The following KIAA0319L variants were observed in gnomAD, a reference collection of about 807,000 sequenced individuals.
KIAA0319L encodes KIAA0319 like.
Under a neutral mutation model 120.1 loss-of-function variants are expected in KIAA0319L, and 55 were observed. The observed-to-expected ratio is 0.46, with a 90% CI of 0.37 to 0.57. The LOEUF is 0.57. KIAA0319L is among the 20% of genes least tolerant of loss of function. The pLI is 0.00. For synonymous variants in KIAA0319L, 398 were observed against 471.9 expected, an observed-to-expected ratio of 0.84 and a Z score of 2.03; for missense variants, 1,049 against 1,255.3, an observed-to-expected ratio of 0.84 and a Z score of 2.48.
chr1:35,449,834 A>G lies in KIAA0319L; in HGVS notation c.2353+33T>C, dbSNP rs765377174. On this transcript the variant is annotated intron_variant, in intron 15 of 20. Transcript: ENST00000325722. ...GAGGCCTTGATTGGCTGATTCAGCA[A>G]TTCTACTCAGCCTCATCACTAAATG... 12 of 1,611,440 alleles carry G rather than the reference A, an allele frequency of 7.4e-6. No individual in the cohort carries two copies. The Admixed American group carries it at 1.0e-4, about 13-fold the overall frequency.
intron 15 of KIAA0319L, among the ~76,000 whole-genome samples, chr1:35,448,811 A>C (rs992287114): frequency 6.6e-6 from 1 of 152,176 alleles, no homozygotes; most frequent in Non-Finnish European, 1.5e-5. Flanking sequence ...ATGGGAATGC[A>C]TCCGTCCCTC....
chr1:35,513,288 A>ATATATATATATTTTT (rs1414704674), intron 2 of KIAA0319L, among the ~76,000 whole-genome samples: 2 of 85,300 alleles, frequency 2.3e-5, no homozygotes, highest in South Asian at 4.3e-4. Flanking sequence ...ATATATATAT[A>ATATATATATATTTTT]TTTTTTTTTT....
At chr1:35,457,331 T>A (rs1228950626) in intron 9 of KIAA0319L, among the ~76,000 whole-genome samples, 2 of 152,078 alleles carry the variant, frequency 1.3e-5, no homozygotes, top group African/African-American at 4.8e-5. Context: ...TGTTTTCCCA[T>A]CATCCTGTTC....
rs1033106617 is a variant in KIAA0319L at position 35,451,865 on chromosome 1, G to C, written c.1914-89C>G. ...GCAGGAGGAGACAATGACTCCCTCA[G>C]CAAAGACACGAACTACTGTTACCCA... On this transcript the variant is annotated intron_variant, in intron 12 of 20. Transcript: ENST00000325722. The C allele has an allele frequency of 2.3e-6, 3 of 1,324,306 alleles. No homozygotes were observed. The African/African-American group carries it at 4.4e-5, about 19-fold the overall frequency. 82.0% of individuals were successfully genotyped at this position (1,324,306 alleles called of 1,614,324 possible).
At position 35,435,290 on chromosome 1, in the gene KIAA0319L, C is replaced by T. The variant is rs932889606; in HGVS notation, c.2963-209G>A. On this transcript the variant is annotated intron_variant, in intron 20 of 20. Coordinates refer to ENST00000325722, the MANE Select transcript of KIAA0319L (RefSeq NM_024874.5). ...GTCCACTAAGGGGTGTCACAGAGTA[C>T]GGATGAGAGCACACCTGGGGTCTCC... 42 of 557,504 alleles carry T rather than the reference C, an allele frequency of 7.5e-5. 1 individual carries two copies. The South Asian group carries it at 7.8e-4, about 10-fold the overall frequency. The allele number at this position is 557,504 out of a possible 1,614,324, so 34.5% of individuals were successfully genotyped here. A position where few individuals can be genotyped will look rare whatever the true frequency, so the allele number is the denominator to read the frequency against.
intron 2 of KIAA0319L, among the ~76,000 whole-genome samples, chr1:35,534,925 T>C (rs1468266828): frequency 6.9e-6 from 1 of 144,734 alleles, no homozygotes; most frequent in Non-Finnish European, 1.5e-5. Context: ...GAGACCAGCC[T>C]GACCAACATG....
chr1:35,553,854 A>ATAT (rs1273639489), intron 2 of KIAA0319L, among the ~76,000 whole-genome samples: 1 of 152,230 alleles, frequency 6.6e-6, no homozygotes, highest in Non-Finnish European at 1.5e-5. Flanking sequence ...CTATCAACAT[A>ATAT]GCCCCTCTCT....
intron 2 of KIAA0319L, among the ~76,000 whole-genome samples, chr1:35,548,599 AT>A (rs1179730652): frequency 6.6e-6 from 1 of 152,158 alleles, no homozygotes; most frequent in Non-Finnish European, 1.5e-5. Context: ...TTAGTATAAA[AT>A]TACGTGTTAT....
At chr1:35,495,199 C>T (rs936645116) in intron 3 of KIAA0319L, among the ~76,000 whole-genome samples, 1 of 151,910 alleles carries the variant, frequency 6.6e-6, no homozygotes, top group Non-Finnish European at 1.5e-5. Context: ...ATGGTGAAAC[C>T]CCATCTCTAC....
At chr1:35,504,564 T>C (rs1645140891) in intron 3 of KIAA0319L, among the ~76,000 whole-genome samples, 1 of 152,232 alleles carries the variant, frequency 6.6e-6, no homozygotes. Flanking sequence ...TAATATGTGT[T>C]AATCGACTGT....
Position 35,474,861 on chromosome 1 carries a change from G to A in KIAA0319L, c.959C>T (p.Thr320Ile). The A allele has an allele frequency of 1.2e-6, 2 of 1,611,102 alleles. No individual in the cohort carries two copies. The highest frequency in any genetic ancestry group is 1.7e-6 in the Non-Finnish European group (2 of 1,177,704). The change falls in exon 5 of 21, where the codon ACC becomes ATC. Residue 320 changes from threonine to isoleucine, a missense_variant. By Grantham distance (89) the Thr-to-Ile change is moderately conservative. Transcript: ENST00000325722. ...TAATTGAACTTCATTCTTAGGCAGG[G>A]TTATCTGGACACTCTCTCCAGCAGA... ...VVSAGESVQI[T>I]LPKNEVQLNA...
intron 3 of KIAA0319L, among the ~76,000 whole-genome samples, chr1:35,489,729 C>A (rs1431221002): frequency 1.3e-5 from 2 of 150,792 alleles, no homozygotes; most frequent in African/African-American, 4.9e-5. Flanking sequence ...TGCAGTGGTG[C>A]AATCTCCACT....
At chr1:35,465,885 T>C (rs1322995830) in intron 7 of KIAA0319L, among the ~76,000 whole-genome samples, 3 of 152,198 alleles carry the variant, frequency 2.0e-5, no homozygotes, top group Admixed American at 1.3e-4. Context: ...ACTCTCTTTT[T>C]GCTTGTTGTC....
intron 2 of KIAA0319L, among the ~76,000 whole-genome samples, chr1:35,519,037 T>A (rs997183901): frequency 6.6e-6 from 1 of 151,748 alleles, no homozygotes; most frequent in Non-Finnish European, 1.5e-5. Flanking sequence ...TTGACTAATG[T>A]CAGAGGATGA....
chr1:35,441,438 T>C (rs1641209026), intron 19 of KIAA0319L, among the ~76,000 whole-genome samples: 1 of 151,882 alleles, frequency 6.6e-6, no homozygotes, highest in East Asian at 1.9e-4. Flanking sequence ...GCTTGAAGGG[T>C]GTGGGAGGAG....
intron 3 of KIAA0319L, among the ~76,000 whole-genome samples, chr1:35,484,766 TCATATATATATATATA>T (rs1644298600): frequency 1.1e-5 from 1 of 92,964 alleles, no homozygotes; most frequent in Admixed American, 1.4e-4. Flanking sequence ...AAGTTTTTAA[TCATATATATATATATA>T]TATATATATA....
intron 2 of KIAA0319L, among the ~76,000 whole-genome samples, chr1:35,525,598 T>C (rs1558591839): frequency 6.6e-6 from 1 of 152,160 alleles, no homozygotes; most frequent in African/African-American, 2.4e-5. Flanking sequence ...CCCTAATAAT[T>C]AGTGATGTTG....
chr1:35,451,554 C>T, intron 13 of KIAA0319L, 74 bp downstream of exon 13: 1 of 1,445,416 alleles, frequency 6.9e-7, no homozygotes, highest in Non-Finnish European at 9.6e-7. Context: ...TTTCTGCAGG[C>T]AAACATGACA....
In KIAA0319L at chr1:35,462,682, A is replaced by T; in HGVS notation, c.1233T>A (p.Ile411=). The change falls in exon 8 of 21, where the codon ATT becomes ATA. Residue 411 remains isoleucine (I), a synonymous_variant. Coordinates refer to ENST00000325722, the MANE Select transcript of KIAA0319L (RefSeq NM_024874.5). ...EPRKNRPPIA[I]VSPQFQEISL... ...AGATCTCCTGGAACTGAGGTGACACAATAGCAATGGGGGGCCGATTCTTAC... is the reference window on the plus strand; with the variant it reads ...AGATCTCCTGGAACTGAGGTGACACTATAGCAATGGGGGGCCGATTCTTAC... The T allele has an allele frequency of 6.2e-7, 1 of 1,614,178 alleles. No homozygotes were observed. The highest frequency in any genetic ancestry group is 8.5e-7 in the Non-Finnish European group (1 of 1,179,986).
Sources: gnomAD v4.1 joint callset for allele counts (sites outside exome capture counted in the v4.1 genomes callset) on GRCh38, gnomAD v4.1.1 for gene constraint, MANE v1.5 for transcripts, NCBI Gene and HGNC (gene_info 2026-07-23, HGNC 2026-07-21) for gene names.